The following SLCO4A1 variants were observed in gnomAD, a reference collection of about 807,000 sequenced individuals.
The protein encoded by SLCO4A1 is solute carrier organic anion transporter family member 4A1, also known as colon organic anion transporter.
Under a neutral mutation model 64.6 loss-of-function variants are expected in SLCO4A1, and 51 were observed. That is an observed-to-expected ratio of 0.79 (90% CI 0.63 to 1.00). SLCO4A1 has a LOEUF of 1.00. Among genes scored for constraint, SLCO4A1 ranks in the 50% least tolerant of loss-of-function variants. The pLI is 0.00. For missense variants in SLCO4A1, 919 were observed against 980.5 expected (o/e 0.94, Z 0.84); for synonymous variants, 471 against 444.9 (o/e 1.06, Z -0.74).
intron 11 of SLCO4A1, among the ~76,000 whole-genome samples, chr20:62,671,327 C>G (rs1327123782): frequency 6.6e-6 from 1 of 152,162 alleles, no homozygotes; most frequent in African/African-American, 2.4e-5. Context: ...GTGGCCTTTC[C>G]CTCTGTCCCT....
At chr20:62,686,226 G>A (rs987353040), downstream of SLCO4A1, among the ~76,000 whole-genome samples, 2 of 152,196 alleles carry the variant, frequency 1.3e-5, no homozygotes, top group African/African-American at 4.8e-5. Flanking sequence ...AGGATGGCAG[G>A]TGGTGTCTAA....
Position 62,656,460 on chromosome 20 carries a change from C to G in SLCO4A1, c.6C>G (p.Pro2=). The change falls in exon 2 of 12, where the codon CCC becomes CCG. Residue 2 remains proline, a synonymous_variant. Transcript: ENST00000217159. M[P]LHQLGDKPLT... ...CACCAGGCGGAGGCGCGGAGATGCC[C>G]CTGCATCAGCTGGGGGACAAGCCGC... is the stretch of plus-strand genomic sequence containing the variant. 6.7e-7 allele frequency: 1 copy of G among 1,484,644 alleles called. No individual in the cohort carries two copies. Among genetic ancestry groups the G allele is most frequent in the Non-Finnish European group, 9.0e-7 (1 of 1,116,992 alleles). The allele number at this position is 1,484,644 out of a possible 1,614,324, so 92.0% of individuals were successfully genotyped here.
downstream of SLCO4A1, among the ~76,000 whole-genome samples, chr20:62,674,135 G>A (rs540363804): frequency 2.6e-5 from 4 of 152,302 alleles, no homozygotes; most frequent in East Asian, 7.7e-4. Context: ...CAAGCCCTCT[G>A]CTCAGAGCTA....
At chr20:62,662,232 C>T (rs1468073996) in intron 5 of SLCO4A1, among the ~76,000 whole-genome samples, 2 of 152,092 alleles carry the variant, frequency 1.3e-5, no homozygotes, top group African/African-American at 4.8e-5. Context: ...CTCATTAGGA[C>T]CCTGATAGAC....
chr20:62,653,038 C>T (rs1354268008), intron 1 of SLCO4A1, among the ~76,000 whole-genome samples: 1 of 152,270 alleles, frequency 6.6e-6, no homozygotes, highest in Non-Finnish European at 1.5e-5. Flanking sequence ...TCTTCCCCTA[C>T]TGTGAGGCCT....
At chr20:62,686,910 G>T (rs1988076735), downstream of SLCO4A1, among the ~76,000 whole-genome samples, 1 of 150,796 alleles carries the variant, frequency 6.6e-6, no homozygotes, top group African/African-American at 2.4e-5. Context: ...CAGGAGCAAT[G>T]GGAAAGGCAC....
At chr20:62,674,557 C>G (rs1316910032), downstream of SLCO4A1, among the ~76,000 whole-genome samples, 2 of 152,174 alleles carry the variant, frequency 1.3e-5, no homozygotes, top group Non-Finnish European at 2.9e-5. Context: ...TGCCAGTGGT[C>G]AAGATGGTCT....
downstream of SLCO4A1, among the ~76,000 whole-genome samples, chr20:62,675,475 T>C (rs1328031739): frequency 6.6e-6 from 1 of 152,070 alleles, no homozygotes; most frequent in Non-Finnish European, 1.5e-5. Context: ...GCCTTCCCCA[T>C]TGACAATCCG....
In SLCO4A1 at chr20:62,661,283, CT is replaced by C. The variant is rs1984778592; in HGVS notation, c.1121+109del. ...CGGGATCATGATGGGGACGCAGCCCCTAACCTCTGTCGTGACCCTGGGCCAA... is the reference window on the plus strand; with the variant it reads ...CGGGATCATGATGGGGACGCAGCCCCAACCTCTGTCGTGACCCTGGGCCAA... On this transcript the variant is annotated intron_variant, in intron 5 of 11. Coordinates refer to ENST00000217159, the MANE Select transcript of SLCO4A1 (RefSeq NM_016354.4). The surrounding 1 kb of genome is among the most constrained non-coding windows in gnomAD (Gnocchi z 5.2). 7.7e-6 allele frequency: 6 copies of C among 778,592 alleles called. No homozygotes were observed. The highest frequency in any genetic ancestry group is 1.3e-5 in the Non-Finnish European group (6 of 450,414). 48.2% of individuals were successfully genotyped at this position (778,592 alleles called of 1,614,324 possible).
rs910098925 is a variant in SLCO4A1 at position 62,645,721 on chromosome 20, G to A, written c.-97+3168G>A. The stretch of plus-strand genomic sequence containing the variant: ...GTAGCCCAAGCGTAGGGTGAGACTT[G>A]GCACCAGTGGCTGGGGTCGCTTTTG... On this transcript the variant is annotated intron_variant, in intron 1 of 11. Coordinates refer to ENST00000217159, the MANE Select transcript of SLCO4A1 (RefSeq NM_016354.4). This position sits in a 1 kb window ranked among gnomAD's most constrained non-coding sequence, Gnocchi z 4.2. Among the ~76,000 whole-genome samples the A allele has an allele frequency of 6.6e-6, 1 of 151,962 alleles. No individual in the cohort carries two copies. The highest frequency in any genetic ancestry group is 2.4e-5 in the African/African-American group (1 of 41,380).
chr20:62,646,675 G>A (rs1359260074), intron 1 of SLCO4A1, among the ~76,000 whole-genome samples: 1 of 152,232 alleles, frequency 6.6e-6, no homozygotes, highest in Non-Finnish European at 1.5e-5. Context: ...CTCCAGTGCT[G>A]ACTGGGCCCA....
In SLCO4A1 at chr20:62,667,731, TC is replaced by T. The variant is rs745392345; in HGVS notation, c.1473-8del. On this transcript the variant is annotated splice_polypyrimidine_tract_variant and intron_variant, in intron 7 of 11. Transcript: ENST00000217159. ...TGGCCTGGACCCTACCACTCGCTTG[TC>T]CCCCCTCTGCAGCCTCCTGCCCGAA... The T allele has an allele frequency of 1.4e-5, 23 of 1,602,046 alleles. No homozygotes were observed. The highest frequency in any genetic ancestry group is 4.4e-5 in the South Asian group (4 of 90,078).
intron 1 of SLCO4A1, among the ~76,000 whole-genome samples, chr20:62,653,111 C>T (rs1169222532): frequency 6.6e-6 from 1 of 152,248 alleles, no homozygotes; most frequent in African/African-American, 2.4e-5. Flanking sequence ...ACCCTGCCAC[C>T]CAGCGGGATT....
At chr20:62,667,714 A>G (rs779611460) in intron 7 of SLCO4A1, 31 bp from the exon 8 acceptor site, 4 of 1,591,704 alleles carry the variant, frequency 2.5e-6, no homozygotes, top group Non-Finnish European at 3.4e-6. Flanking sequence ...TCTGGCCTGG[A>G]CCCTACCACT....
In SLCO4A1 at chr20:62,669,035, C is replaced by T. The variant is rs761008519; in HGVS notation, c.1982C>T (p.Ser661Leu). The part of the protein sequence containing the change: ...QQGSCLVYQN[S>L]AMSRYILIMG... ...GGCTCCTGCTTGGTGTACCAGAATT[C>T]GGCCATGAGCCGCTACATACTCATC... The change falls in exon 11 of 12, where the codon TCG becomes TTG. Residue 661 changes from serine (S) to leucine (L), a missense_variant. Coordinates refer to ENST00000217159, the MANE Select transcript of SLCO4A1 (RefSeq NM_016354.4). The T allele has an allele frequency of 4.8e-5, 77 of 1,611,314 alleles. No individual in the cohort carries two copies. The highest frequency in any genetic ancestry group is 5.8e-5 in the Non-Finnish European group (69 of 1,179,986).
chr20:62,668,814 T>TC, intron 10 of SLCO4A1, 116 bp from the exon 11 acceptor site: 1 of 1,114,364 alleles, frequency 9.0e-7, no homozygotes, highest in Non-Finnish European at 1.3e-6. Context: ...CCCTGAGAAC[T>TC]CCAACGGCCA....
At position 62,661,030 on chromosome 20, in the gene SLCO4A1, G is replaced by GCCCCCCGCCCCCCGC; in HGVS notation, c.1010-29_1010-28insCGCCCCCCGCCCCCC. ...AGAAGTCCACCTCCGGGAGCCCCCA[G>GCCCCCCGCCCCCCGC]CCCCCAGCCCCAGCTCACTCTGTGC... On this transcript the variant is annotated intron_variant, in intron 4 of 11. Transcript: ENST00000217159. This position sits in a 1 kb window ranked among gnomAD's most constrained non-coding sequence, Gnocchi z 5.2. 1 of 518,128 alleles carries GCCCCCCGCCCCCCGC rather than the reference G, an allele frequency of 1.9e-6. No individual in the cohort carries two copies. Among genetic ancestry groups the GCCCCCCGCCCCCCGC allele is most frequent in the South Asian group, 1.5e-5 (1 of 68,810 alleles). 32.1% of individuals were successfully genotyped at this position (518,128 alleles called of 1,614,324 possible). A position where few individuals can be genotyped will look rare whatever the true frequency, so the allele number is the denominator to read the frequency against.
At chr20:62,674,240 C>A (rs1987480994), downstream of SLCO4A1, among the ~76,000 whole-genome samples, 1 of 152,188 alleles carries the variant, frequency 6.6e-6, no homozygotes, top group Admixed American at 6.5e-5. Flanking sequence ...GGTGTTGGGG[C>A]ACAGCTGGCC....
chr20:62,666,339 C>G (rs776299682), intron 6 of SLCO4A1, 41 bp from the exon 7 acceptor site: 2 of 1,585,620 alleles, frequency 1.3e-6, no homozygotes, highest in African/African-American at 2.7e-5. Flanking sequence ...CCACCACGGC[C>G]CCCTGCCTGA....
Sources: gnomAD v4.1 joint callset for allele counts (sites outside exome capture counted in the v4.1 genomes callset) on GRCh38, gnomAD v4.1.1 for gene constraint, Gnocchi (gnomAD v3.1) non-coding constraint, MANE v1.5 for transcripts, NCBI Gene and HGNC (gene_info 2026-07-23, HGNC 2026-07-21) for gene names.